Variants in PSD3 observed in about 807,000 individuals in gnomAD.
PSD3 encodes pleckstrin and Sec7 domain containing 3, also known as PH and SEC7 domain-containing protein 3.
PSD3 carries 49 observed loss-of-function variants against 105.5 expected under a neutral mutation model. The ratio of observed to expected loss-of-function variants is 0.46; its 90% CI spans 0.37 to 0.59. The LOEUF (loss-of-function observed/expected upper bound fraction) is 0.59, where lower values mean the gene tolerates loss of function less well. Among genes scored for constraint, PSD3 ranks in the 20% least tolerant of loss-of-function variants. The pLI is 0.00. For missense variants in PSD3, 1,561 were observed against 1,263.8 expected (o/e 1.24, Z -3.57); for synonymous variants, 557 against 457.8 (o/e 1.22, Z -2.77).
chr8:19,003,413 G>A (rs757247768), intron 1 of PSD3, among the ~76,000 whole-genome samples: 1 of 151,894 alleles, frequency 6.6e-6, no homozygotes, highest in Non-Finnish European at 1.5e-5. Context: ...TCAGGTAAGT[G>A]AGTCTCCCCC....
At chr8:18,582,257 C>G (rs893811797) in intron 12 of PSD3, among the ~76,000 whole-genome samples, 1 of 152,174 alleles carries the variant, frequency 6.6e-6, no homozygotes, top group Non-Finnish European at 1.5e-5. Context: ...CTGCCTTCCA[C>G]GCTCACCACT....
rs527420040 is a variant in PSD3, at chr8:18,527,604, T to C, written c.*8139A>G. Reference sequence around the variant, plus strand: ...TGAACAACAGTGAAATAGGGTAATATTTATATACAACTATTTTAATAAAAA... The same window carrying C: ...TGAACAACAGTGAAATAGGGTAATACTTATATACAACTATTTTAATAAAAA... On this transcript the variant is annotated 3_prime_UTR_variant, in exon 16 of 16. Coordinates refer to ENST00000327040, the MANE Select transcript of PSD3 (RefSeq NM_015310.4). The C allele has an allele frequency of 1.2e-3, 178 of 152,770 alleles. No individual in the cohort carries two copies. The highest frequency in any genetic ancestry group is 1.9e-3 in the Non-Finnish European group (132 of 68,024). 9.5% of individuals were successfully genotyped at this position (152,770 alleles called of 1,614,324 possible).
rs781679489 is a variant in PSD3 at position 18,556,273 on chromosome 8, T to C, written c.2864A>G (p.Asp955Gly). 3 of 1,614,112 alleles carry C rather than the reference T, an allele frequency of 1.9e-6. No individual in the cohort carries two copies. In the South Asian group the frequency reaches 3.3e-5, roughly 18 times the overall value. Residue 955 changes from aspartate (D) to glycine (G), a missense_variant, in exon 15 of 16, where the codon GAC (aspartate) becomes GGC (glycine). By Grantham distance (94) the Asp-to-Gly change is moderately conservative. Transcript: ENST00000327040. ...GACGTCCTTGGCTTTGACCTTCTTG[T>C]CGGGGGGATATGAGCGGTGCTCGGC... is the stretch of plus-strand genomic sequence containing the variant. ...ELAEHRSYPP[D>G]KKVKAKDVDE...
intron 4 of PSD3, among the ~76,000 whole-genome samples, chr8:18,818,244 C>T (rs887160533): frequency 2.0e-5 from 3 of 152,180 alleles, no homozygotes; most frequent in Admixed American, 1.3e-4. Context: ...CGTGAGCCAC[C>T]GTGTCCAGCC....
At chr8:18,743,078 C>T (rs975943034) in intron 9 of PSD3, among the ~76,000 whole-genome samples, 2 of 152,142 alleles carry the variant, frequency 1.3e-5, no homozygotes, top group Non-Finnish European at 2.9e-5. Flanking sequence ...TGATAGCAGG[C>T]TTCTCTTAAA....
Position 18,871,830 on chromosome 8 carries a change from A to T in PSD3, c.1034T>A (p.Ile345Asn). 6.2e-7 allele frequency: 1 copy of T among 1,614,188 alleles called. No homozygotes were observed. Residue 345 changes from isoleucine (I) to asparagine (N), a missense_variant, in exon 3 of 16, where the codon ATC becomes AAC. By Grantham distance (149) the Ile-to-Asn change is moderately radical. Coordinates refer to ENST00000327040, the MANE Select transcript of PSD3 (RefSeq NM_015310.4). ...TGAATTACACAAACCAGCTGATGAG[A>T]TGAGATGGCGTGGCACTTTGGAAGA... ...KESSKVPRHLISSAGLCNSSS... is the reference protein window; with the variant it reads ...KESSKVPRHLNSSAGLCNSSS...
At chr8:18,574,285 C>T (rs1802341678) in intron 13 of PSD3, among the ~76,000 whole-genome samples, 1 of 152,156 alleles carries the variant, frequency 6.6e-6, no homozygotes, top group African/African-American at 2.4e-5. Context: ...TCTCTGGCTC[C>T]ATTATTATTT....
intron 1 of PSD3, among the ~76,000 whole-genome samples, chr8:18,983,867 G>A (rs979538029): frequency 3.9e-5 from 6 of 151,912 alleles, no homozygotes; most frequent in African/African-American, 1.5e-4. Context: ...GGCTGGATAT[G>A]GTGGCATGTG....
intron 1 of PSD3, among the ~76,000 whole-genome samples, chr8:19,043,282 T>C (rs1828188843): frequency 6.6e-6 from 1 of 152,212 alleles, no homozygotes; most frequent in Non-Finnish European, 1.5e-5. Flanking sequence ...GGAACAGTTT[T>C]AGTGGTAGTT....
chr8:18,888,186 C>T (rs761782149), intron 2 of PSD3, among the ~76,000 whole-genome samples: 2 of 152,156 alleles, frequency 1.3e-5, no homozygotes, highest in African/African-American at 2.4e-5. Flanking sequence ...TCTCAAGAAG[C>T]CTGGCCCAAA....
intron 9 of PSD3, among the ~76,000 whole-genome samples, chr8:18,683,506 T>TC (rs1290119921): frequency 6.6e-6 from 1 of 152,188 alleles, no homozygotes; most frequent in Non-Finnish European, 1.5e-5. Context: ...AACAACAGTT[T>TC]CCCACAGTCA....
chr8:18,932,447 C>A (rs901309334), intron 2 of PSD3, among the ~76,000 whole-genome samples: 1 of 152,194 alleles, frequency 6.6e-6, no homozygotes, highest in Non-Finnish European at 1.5e-5. Context: ...CAATTCTCCA[C>A]GCAACTGAAT....
At chr8:18,763,918 A>G (rs1429326340) in intron 9 of PSD3, among the ~76,000 whole-genome samples, 1 of 152,178 alleles carries the variant, frequency 6.6e-6, no homozygotes, top group Non-Finnish European at 1.5e-5. Flanking sequence ...ATACTTTCCC[A>G]TGAGGTTTAT....
intron 2 of PSD3, among the ~76,000 whole-genome samples, chr8:18,888,456 T>G (rs1451118831): frequency 2.0e-5 from 3 of 151,882 alleles, no homozygotes; most frequent in Non-Finnish European, 4.4e-5. Context: ...GCAAGTTATT[T>G]AACCTCTGTG....
intron 4 of PSD3, among the ~76,000 whole-genome samples, chr8:18,822,784 G>A (rs1424332669): frequency 6.6e-6 from 1 of 152,114 alleles, no homozygotes; most frequent in Non-Finnish European, 1.5e-5. Flanking sequence ...GTCATATGCT[G>A]ACCTCCCTAG....
chr8:19,028,299 C>CCCCTTT (rs1563517980), intron 1 of PSD3, among the ~76,000 whole-genome samples: 2 of 96,182 alleles, frequency 2.1e-5, no homozygotes, highest in African/African-American at 4.2e-5. Flanking sequence ...CCGGCCCACC[C>CCCCTTT]TTTTTTTTTT....
chr8:18,649,080 C>A (rs1808274724), intron 10 of PSD3, among the ~76,000 whole-genome samples: 1 of 152,182 alleles, frequency 6.6e-6, no homozygotes, highest in Non-Finnish European at 1.5e-5. Flanking sequence ...GGGTTGGTGC[C>A]CCAACAAAGA....
chr8:18,672,321 A>G (rs866611134), intron 9 of PSD3, among the ~76,000 whole-genome samples: 13 of 152,160 alleles, frequency 8.5e-5, no homozygotes, highest in Middle Eastern at 3.2e-3. Flanking sequence ...GGTAACAAGC[A>G]CAATCCTTTT....
intron 9 of PSD3, among the ~76,000 whole-genome samples, chr8:18,726,361 G>A (rs941168377): frequency 4.6e-5 from 7 of 152,134 alleles, no homozygotes; most frequent in Admixed American, 6.5e-5. Context: ...GTCTTTTATC[G>A]TCTTCCACAT....
Sources: gnomAD v4.1 joint callset for allele counts (sites outside exome capture counted in the v4.1 genomes callset) on GRCh38, gnomAD v4.1.1 for gene constraint, MANE v1.5 for transcripts, NCBI Gene and HGNC (gene_info 2026-07-23, HGNC 2026-07-21) for gene names.